The following PPARGC1B variants were observed in gnomAD, a reference collection of about 807,000 sequenced individuals.
The protein encoded by PPARGC1B is PPARG coactivator 1 beta.
PPARGC1B carries 34 observed loss-of-function variants against 101.6 expected under a neutral mutation model. The observed-to-expected ratio is 0.33, with a 90% CI of 0.25 to 0.45. PPARGC1B has a LOEUF of 0.45. Ranked by LOEUF, PPARGC1B falls within the 20% of genes least tolerant of loss-of-function variation. The pLI, the probability that PPARGC1B is intolerant of heterozygous loss-of-function variation, is 1.00. For synonymous variants in PPARGC1B, 548 were observed against 539.3 expected (o/e 1.02, Z -0.22); for missense variants, 1,234 against 1,317.6 (o/e 0.94, Z 0.98).
Position 149,850,816 on chromosome 5 carries a change from G to C in PPARGC1B, c.*3258G>C, listed in dbSNP as rs1003872480. ...GTGCTGGTGTTTTCCAAAAATGTCT[G>C]ATCCAACCACTAAGTGGAATTCTTC... On this transcript the variant is annotated 3_prime_UTR_variant, in exon 12 of 12. Transcript: ENST00000309241. 1.3e-5 allele frequency: 2 copies of C among 152,172 alleles called. No homozygotes were observed. The highest frequency in any genetic ancestry group is 4.8e-5 in the African/African-American group (2 of 41,404). The allele number at this position is 152,172 out of a possible 1,614,324, so 9.4% of individuals were successfully genotyped here.
chr5:149,837,098 G>A lies in PPARGC1B; in HGVS notation c.2618+25G>A. On this transcript the variant is annotated intron_variant, in intron 8 of 11. Coordinates refer to ENST00000309241, the MANE Select transcript of PPARGC1B (RefSeq NM_133263.4). This position sits in a 1 kb window ranked among gnomAD's most constrained non-coding sequence, Gnocchi z 4.2. Reference sequence around the variant, plus strand: ...GGTATGAACAGGGGGCTGCAGGAGAGGCAGCGGGCAGTGGAGGATCCCAGT... The same window carrying A: ...GGTATGAACAGGGGGCTGCAGGAGAAGCAGCGGGCAGTGGAGGATCCCAGT... 6.4e-7 allele frequency: 1 copy of A among 1,571,196 alleles called. No individual in the cohort carries two copies. Among genetic ancestry groups the A allele is most frequent in the Non-Finnish European group, 8.6e-7 (1 of 1,156,338 alleles).
At chr5:149,768,935 G>A (rs1053501591) in intron 1 of PPARGC1B, among the ~76,000 whole-genome samples, 11 of 152,144 alleles carry the variant, frequency 7.2e-5, no homozygotes, top group African/African-American at 2.2e-4. Flanking sequence ...GATTACAGGC[G>A]TGAGCCACCA....
At chr5:149,766,427 C>T (rs1274520062) in intron 1 of PPARGC1B, among the ~76,000 whole-genome samples, 1 of 152,160 alleles carries the variant, frequency 6.6e-6, no homozygotes, top group Non-Finnish European at 1.5e-5. Context: ...TGTAGTCCAT[C>T]CTACTTAGCA....
Position 149,730,938 on chromosome 5 carries a change from G to C in PPARGC1B, c.78+518G>C, listed in dbSNP as rs1347028140. Reference sequence around the variant, plus strand: ...GGCTTTCTACCCGCGCCCGCAGCGCGGAGTTTCCTGCCAGTTGCCGGCTAA... The same window carrying C: ...GGCTTTCTACCCGCGCCCGCAGCGCCGAGTTTCCTGCCAGTTGCCGGCTAA... On this transcript the variant is annotated intron_variant, in intron 1 of 11. Coordinates refer to ENST00000309241, the MANE Select transcript of PPARGC1B (RefSeq NM_133263.4). This position sits in a 1 kb window ranked among gnomAD's most constrained non-coding sequence, Gnocchi z 4.0. 6.6e-6 allele frequency among the ~76,000 whole-genome samples: 1 copy of C among 152,240 alleles called. No homozygotes were observed. Among genetic ancestry groups the C allele is most frequent in the African/African-American group, 2.4e-5 (1 of 41,472 alleles).
chr5:149,751,268 T>TTTTA (rs1224994771), intron 1 of PPARGC1B, among the ~76,000 whole-genome samples: 1 of 152,234 alleles, frequency 6.6e-6, no homozygotes, highest in African/African-American at 2.4e-5. Flanking sequence ...GATTATCTCT[T>TTTTA]TTTATTTATT....
intron 1 of PPARGC1B, among the ~76,000 whole-genome samples, chr5:149,784,278 T>A (rs73265632): frequency 0.027 from 4,102 of 152,078 alleles, 156 homozygotes; most frequent in African/African-American, 0.093. Flanking sequence ...CCTCCTTCCC[T>A]TCATTTTACT....
chr5:149,780,165 T>C (rs1158202087), intron 1 of PPARGC1B, among the ~76,000 whole-genome samples: 1 of 152,108 alleles, frequency 6.6e-6, no homozygotes, highest in Non-Finnish European at 1.5e-5. Context: ...AGCAGAGCCG[T>C]GTGTGATTGG....
At chr5:149,755,752 T>A (rs1279765342) in intron 1 of PPARGC1B, among the ~76,000 whole-genome samples, 2 of 151,884 alleles carry the variant, frequency 1.3e-5, no homozygotes, top group Non-Finnish European at 2.9e-5. Context: ...CAAGCGATTC[T>A]CTTGCCTCAG....
At chr5:149,771,128 C>T (rs972788602) in intron 1 of PPARGC1B, among the ~76,000 whole-genome samples, 3 of 152,186 alleles carry the variant, frequency 2.0e-5, no homozygotes, top group African/African-American at 2.4e-5. Context: ...GGAGGCTCCC[C>T]GCCTGCGTGT....
chr5:149,769,140 C>G (rs550180779), intron 1 of PPARGC1B, among the ~76,000 whole-genome samples: 5 of 152,246 alleles, frequency 3.3e-5, no homozygotes, highest in Non-Finnish European at 7.3e-5. Flanking sequence ...AGATCTCTTG[C>G]ATGTGCAGTT....
At position 149,852,751 on chromosome 5, in the gene PPARGC1B, C is replaced by T. The variant is rs1581134603; in HGVS notation, c.*5193C>T. 1 of 147,666 alleles carries T rather than the reference C, an allele frequency of 6.8e-6. No individual in the cohort carries two copies. The highest frequency in any genetic ancestry group is 2.0e-4 in the East Asian group (1 of 5,128). 9.1% of individuals were successfully genotyped at this position (147,666 alleles called of 1,614,324 possible). On this transcript the variant is annotated 3_prime_UTR_variant, in exon 12 of 12. Coordinates refer to ENST00000309241, the MANE Select transcript of PPARGC1B (RefSeq NM_133263.4). ...AAAGAAAAACAGCTTAGGAGCTTTT[C>T]ACACATTTCTTTCAAATGATTGTAA...
At position 149,852,813 on chromosome 5, in the gene PPARGC1B, A is replaced by G. The variant is rs1177443950; in HGVS notation, c.*5255A>G. On this transcript the variant is annotated 3_prime_UTR_variant, in exon 12 of 12. Coordinates refer to ENST00000309241, the MANE Select transcript of PPARGC1B (RefSeq NM_133263.4). ...CAACAGGAGGCATTGATCGCGCTGC[A>G]TATGTTTAGGGCAGCTTTTGTTTTT... 1.3e-5 allele frequency: 2 copies of G among 151,560 alleles called. No homozygotes were observed. The highest frequency in any genetic ancestry group is 2.9e-5 in the Non-Finnish European group (2 of 67,978). 9.4% of individuals were successfully genotyped at this position (151,560 alleles called of 1,614,324 possible).
chr5:149,737,322 A>C (rs1329557716), intron 1 of PPARGC1B, among the ~76,000 whole-genome samples: 1 of 152,042 alleles, frequency 6.6e-6, no homozygotes, highest in African/African-American at 2.4e-5. Flanking sequence ...TAAGTTGGAG[A>C]GTTAGGCCCT....
chr5:149,857,600 A>G (rs982822548), downstream of PPARGC1B, among the ~76,000 whole-genome samples: 6 of 152,224 alleles, frequency 3.9e-5, no homozygotes, highest in Non-Finnish European at 7.3e-5. Flanking sequence ...GAGTTTAAAG[A>G]TGCAAGTTCC....
chr5:149,775,932 C>T (rs1756341701), intron 1 of PPARGC1B, among the ~76,000 whole-genome samples: 1 of 152,186 alleles, frequency 6.6e-6, no homozygotes, highest in Admixed American at 6.5e-5. Context: ...CTTCCATTTT[C>T]CTCTCCCTGA....
intron 1 of PPARGC1B, among the ~76,000 whole-genome samples, chr5:149,797,278 G>T (rs1016360866): frequency 1.3e-5 from 2 of 152,206 alleles, no homozygotes; most frequent in Non-Finnish European, 2.9e-5. Context: ...CGTTTAAGGG[G>T]TCTGTGAACT....
chr5:149,798,219 A>C (rs1327033489), intron 1 of PPARGC1B, among the ~76,000 whole-genome samples: 1 of 152,268 alleles, frequency 6.6e-6, no homozygotes, highest in Non-Finnish European at 1.5e-5. Context: ...CCTCCAAAGT[A>C]GCCCCATCAG....
chr5:149,737,432 T>C (rs1754760101), intron 1 of PPARGC1B, among the ~76,000 whole-genome samples: 1 of 152,170 alleles, frequency 6.6e-6, no homozygotes, highest in African/African-American at 2.4e-5. Flanking sequence ...GGCTGCCCTT[T>C]TCTGTGTCTT....
rs1759803481 is a variant in PPARGC1B at position 149,852,509 on chromosome 5, C to G, written c.*4951C>G. On this transcript the variant is annotated 3_prime_UTR_variant, in exon 12 of 12. Coordinates refer to ENST00000309241, the MANE Select transcript of PPARGC1B (RefSeq NM_133263.4). ...TGTGTCCTGGCTGAGTTGCCTTATC[C>G]AAGAAGACCAGCTCCCCGGGACAGA... 6.6e-6 allele frequency: 1 copy of G among 152,098 alleles called. No individual in the cohort carries two copies. Among genetic ancestry groups the G allele is most frequent in the South Asian group, 2.1e-4 (1 of 4,818 alleles). 9.4% of individuals were successfully genotyped at this position (152,098 alleles called of 1,614,324 possible). A position where few individuals can be genotyped will look rare whatever the true frequency, so the allele number is the denominator to read the frequency against.
Sources: allele counts gnomAD v4.1 joint callset (sites outside exome capture counted in the v4.1 genomes callset), GRCh38; gene constraint gnomAD v4.1.1; non-coding constraint Gnocchi (gnomAD v3.1); transcripts MANE v1.5; gene names NCBI Gene and HGNC (gene_info 2026-07-23, HGNC 2026-07-21).